Variants in AKAP6 observed in about 807,000 individuals in gnomAD.
AKAP6 encodes the protein A-kinase anchoring protein 6, also known as A-kinase anchor protein 6.
In AKAP6, 58 loss-of-function variants were observed where a neutral mutation model predicts 188.5. The ratio of observed to expected loss-of-function variants is 0.31; its 90% confidence interval spans 0.25 to 0.38. AKAP6 has a LOEUF of 0.38. Ranked by LOEUF, AKAP6 falls within the 10% of genes least tolerant of loss-of-function variation. The pLI is 1.00. For synonymous variants in AKAP6, 989 were observed against 998.6 expected (o/e 0.99, Z 0.18); for missense variants, 2,710 against 2,740.0 (o/e 0.99, Z 0.24).
At chr14:32,704,637 A>G (rs1890740306) in intron 9 of AKAP6, among the ~76,000 whole-genome samples, 2 of 152,146 alleles carry the variant, frequency 1.3e-5, no homozygotes, top group African/African-American at 4.8e-5. Context: ...ATGATGTATG[A>G]TTAAACTTTA....
At chr14:32,794,838 A>C (rs1290965907) in intron 12 of AKAP6, among the ~76,000 whole-genome samples, 2 of 152,174 alleles carry the variant, frequency 1.3e-5, no homozygotes, top group African/African-American at 4.8e-5. Context: ...CTCTTCAAAA[A>C]ATCAGTGAAT....
chr14:32,813,874 ATT>A (rs71115099), intron 12 of AKAP6, among the ~76,000 whole-genome samples: 8 of 142,602 alleles, frequency 5.6e-5, no homozygotes, highest in Admixed American at 7.0e-5. Context: ...AAGTGATAGG[ATT>A]TTTTTTTTTT....
At chr14:32,672,749 A>G (rs965834411) in intron 7 of AKAP6, among the ~76,000 whole-genome samples, 1 of 152,184 alleles carries the variant, frequency 6.6e-6, no homozygotes, top group Non-Finnish European at 1.5e-5. Flanking sequence ...AGAATCTCTT[A>G]GGCATTCCCA....
intron 5 of AKAP6, among the ~76,000 whole-genome samples, 191 bp from the exon 6 acceptor site, chr14:32,599,219 A>G (rs1885823563): frequency 6.6e-6 from 1 of 152,172 alleles, no homozygotes; most frequent in Non-Finnish European, 1.5e-5. Context: ...AAACAGATGC[A>G]CTCAGCTAAT....
In AKAP6 at chr14:32,545,579, A is replaced by T; in HGVS notation, c.926A>T (p.Glu309Val). ...GTAGACGACAAAGGTGGATGTGAGG[A>T]AGACAATGCTTCTGCAGTCGAAGAG... Reference protein sequence around the residue: ...LSVDDKGGCEEDNASAVEEQP... With the variant: ...LSVDDKGGCEVDNASAVEEQP... Residue 309 changes from glutamate (E) to valine (V), a missense_variant, in exon 4 of 14, where the codon GAA becomes GTA. Physicochemically the swap from Glu to Val is moderately radical, Grantham distance 121. Around this residue, in one of 2 missense-constraint regions of AKAP6, gnomAD observed 2,473 missense variants for 2,426.1 expected, o/e 1.02. Coordinates refer to ENST00000280979, the MANE Select transcript of AKAP6 (RefSeq NM_004274.5). 6.2e-7 allele frequency: 1 copy of T among 1,614,226 alleles called. No homozygotes were observed. The highest frequency in any genetic ancestry group is 8.5e-7 in the Non-Finnish European group (1 of 1,180,022).
chr14:32,392,338 T>C (rs933992986), intron 1 of AKAP6, among the ~76,000 whole-genome samples: 2 of 152,044 alleles, frequency 1.3e-5, no homozygotes, highest in African/African-American at 4.8e-5. Context: ...AAAGTACAAA[T>C]AAGGGAAGAA....
intron 1 of AKAP6, among the ~76,000 whole-genome samples, chr14:32,360,963 A>G (rs1304842742): frequency 2.7e-5 from 4 of 150,758 alleles, no homozygotes; most frequent in Non-Finnish European, 4.4e-5. Context: ...TGCCCTGGCT[A>G]CTCTTGAACT....
intron 7 of AKAP6, among the ~76,000 whole-genome samples, chr14:32,609,889 A>G (rs977617433): frequency 5.5e-5 from 5 of 90,524 alleles, no homozygotes; most frequent in Non-Finnish European, 9.4e-5. Context: ...TGACACACAC[A>G]CACACACACA....
chr14:32,490,260 G>A (rs1337088109), intron 2 of AKAP6, among the ~76,000 whole-genome samples: 2 of 151,966 alleles, frequency 1.3e-5, no homozygotes, highest in African/African-American at 4.8e-5. Flanking sequence ...GGTCACAGAG[G>A]ATATGATGGC....
chr14:32,603,857 A>G (rs774047709), intron 7 of AKAP6, among the ~76,000 whole-genome samples: 2 of 152,158 alleles, frequency 1.3e-5, no homozygotes, highest in Non-Finnish European at 2.9e-5. Context: ...ATACAATGAT[A>G]TATTTTTGAG....
chr14:32,787,874 T>G (rs1022504017), intron 12 of AKAP6, among the ~76,000 whole-genome samples: 1 of 152,020 alleles, frequency 6.6e-6, no homozygotes, highest in African/African-American at 2.4e-5. Context: ...GAGATCTATA[T>G]GCCCTCCCTC....
chr14:32,536,685 T>C (rs1458061169), intron 3 of AKAP6, among the ~76,000 whole-genome samples: 1 of 152,194 alleles, frequency 6.6e-6, no homozygotes, highest in Non-Finnish European at 1.5e-5. Context: ...ATTCAGTACC[T>C]GAAAGATTTT....
At chr14:32,527,996 T>G (rs2139087172) in intron 2 of AKAP6, among the ~76,000 whole-genome samples, 1 of 152,312 alleles carries the variant, frequency 6.6e-6, no homozygotes, top group East Asian at 1.9e-4. Flanking sequence ...GCCTTTGGTG[T>G]TGTATCTATT....
intron 1 of AKAP6, among the ~76,000 whole-genome samples, chr14:32,422,438 A>G (rs1350254591): frequency 6.6e-6 from 1 of 152,226 alleles, no homozygotes; most frequent in Non-Finnish European, 1.5e-5. Flanking sequence ...AGGAAGGAAC[A>G]TGTAGGGAAG....
intron 1 of AKAP6, among the ~76,000 whole-genome samples, chr14:32,345,762 T>G (rs1258259752): frequency 6.6e-6 from 1 of 151,748 alleles, no homozygotes; most frequent in Non-Finnish European, 1.5e-5. Flanking sequence ...GAGGGGTGAG[T>G]GGGCTGAATG....
At chr14:32,802,945 A>G (rs2033989004) in intron 12 of AKAP6, among the ~76,000 whole-genome samples, 1 of 151,702 alleles carries the variant, frequency 6.6e-6, no homozygotes, top group African/African-American at 2.4e-5. Context: ...TAAAAATATA[A>G]AAATTAGCCA....
chr14:32,609,639 G>T (rs1385746434), intron 7 of AKAP6, among the ~76,000 whole-genome samples: 2 of 152,028 alleles, frequency 1.3e-5, no homozygotes, highest in Non-Finnish European at 2.9e-5. Context: ...TGAGAAGAGG[G>T]AGAGGGAAAA....
At chr14:32,686,848 CTCA>C (rs1889947982) in intron 8 of AKAP6, among the ~76,000 whole-genome samples, 1 of 152,130 alleles carries the variant, frequency 6.6e-6, no homozygotes, top group Non-Finnish European at 1.5e-5. Context: ...ATACCCCAGT[CTCA>C]TCAGCTGTAT....
At chr14:32,543,893 A>G (rs1468999247) in intron 3 of AKAP6, among the ~76,000 whole-genome samples, 1 of 152,216 alleles carries the variant, frequency 6.6e-6, no homozygotes, top group Non-Finnish European at 1.5e-5. Flanking sequence ...AAGTAATTGT[A>G]GTAATCAACC....
Sources: gnomAD v4.1 joint callset for allele counts (sites outside exome capture counted in the v4.1 genomes callset) on GRCh38, gnomAD v4.1.1 for gene constraint, gnomAD v4.1.1 regional missense constraint, MANE v1.5 for transcripts, NCBI Gene and HGNC (gene_info 2026-07-23, HGNC 2026-07-21) for gene names.